Variants in KSR2 observed in about 807,000 individuals in gnomAD.
KSR2 encodes the protein kinase suppressor of ras 2.
Under a neutral mutation model 107.8 loss-of-function variants are expected in KSR2, and 25 were observed. The ratio of observed to expected loss-of-function variants is 0.23; its 90% CI spans 0.17 to 0.32. The LOEUF (loss-of-function observed/expected upper bound fraction) is 0.32. KSR2 is among the 10% of genes least tolerant of loss of function. The probability of loss-of-function intolerance (pLI) is 1.00; values close to 1 mark genes in which losing one functional copy is unlikely to be tolerated. For synonymous variants in KSR2, 480 were observed against 507.0 expected (o/e 0.95, Z 0.71); for missense variants, 887 against 1,268.9 (o/e 0.70, Z 4.57).
chr12:117,688,774 G>A lies in KSR2; in HGVS notation c.987-21116C>T, dbSNP rs1018327031. On this transcript the variant is annotated intron_variant, in intron 4 of 19. Coordinates refer to ENST00000339824, the MANE Select transcript of KSR2 (RefSeq NM_173598.6). ...TGGCCATAGGGATACAACTGCACAC[G>A]CCATGAAGTCACTGCTGCTGTAAGT... is the stretch of plus-strand genomic sequence containing the variant. 6.2e-4 allele frequency among the ~76,000 whole-genome samples: 94 copies of A among 152,112 alleles called. 1 individual carries two copies. Among genetic ancestry groups the A allele is most frequent in the Non-Finnish European group, 1.8e-4 (12 of 68,022 alleles).
At chr12:117,483,335 T>C (rs1413477294) in intron 16 of KSR2, among the ~76,000 whole-genome samples, 1 of 151,784 alleles carries the variant, frequency 6.6e-6, no homozygotes, top group African/African-American at 2.4e-5. Flanking sequence ...ACAAACAAGA[T>C]TCACTTTGTC....
At chr12:117,821,770 A>G (rs370976336) in intron 3 of KSR2, among the ~76,000 whole-genome samples, 6 of 152,250 alleles carry the variant, frequency 3.9e-5, no homozygotes, top group East Asian at 1.9e-4. Context: ...TGGGAGAGAC[A>G]ATAGGGACAT....
intron 3 of KSR2, among the ~76,000 whole-genome samples, chr12:117,849,702 A>G (rs1892845293): frequency 6.6e-6 from 1 of 152,184 alleles, no homozygotes. Context: ...CTGAGAAAGA[A>G]AGAGAGAGAG....
At chr12:117,634,754 G>T (rs1168162083) in intron 5 of KSR2, among the ~76,000 whole-genome samples, 1 of 152,074 alleles carries the variant, frequency 6.6e-6, no homozygotes, top group African/African-American at 2.4e-5. Context: ...AATCAACCAG[G>T]GTTACTTCCG....
intron 1 of KSR2, among the ~76,000 whole-genome samples, chr12:117,901,051 A>G (rs775863262): frequency 2.0e-5 from 3 of 152,172 alleles, no homozygotes; most frequent in Admixed American, 6.5e-5. Context: ...TCAGCTTGAC[A>G]TTGGGGAAGA....
chr12:117,645,673 G>T (rs1163043420), intron 5 of KSR2, among the ~76,000 whole-genome samples: 4 of 152,168 alleles, frequency 2.6e-5, no homozygotes, highest in African/African-American at 9.7e-5. Context: ...CTGTTTGGAA[G>T]GGGCTGTGAT....
chr12:117,574,714 A>G (rs1879157546), intron 7 of KSR2, among the ~76,000 whole-genome samples: 1 of 152,136 alleles, frequency 6.6e-6, no homozygotes, highest in Non-Finnish European at 1.5e-5. Flanking sequence ...ACCATCTTAA[A>G]ATGCAAATTC....
intron 1 of KSR2, among the ~76,000 whole-genome samples, chr12:117,933,840 AAG>A (rs1441591910): frequency 6.6e-6 from 1 of 152,094 alleles, no homozygotes; most frequent in East Asian, 1.9e-4. Flanking sequence ...GACACACAGC[AAG>A]AGGGTGGCAG....
chr12:117,733,253 C>T (rs1313836026), intron 4 of KSR2, among the ~76,000 whole-genome samples: 2 of 152,124 alleles, frequency 1.3e-5, no homozygotes, highest in South Asian at 2.1e-4. Flanking sequence ...CACCCCATGC[C>T]GTACCACACA....
At chr12:117,590,851 G>C (rs920248927) in intron 5 of KSR2, among the ~76,000 whole-genome samples, 9 of 152,150 alleles carry the variant, frequency 5.9e-5, no homozygotes, top group African/African-American at 2.2e-4. Context: ...TCCTGATTTA[G>C]AGCTATGAAA....
chr12:117,855,855 A>G (rs961575514), intron 2 of KSR2, among the ~76,000 whole-genome samples: 8 of 151,950 alleles, frequency 5.3e-5, no homozygotes, highest in Non-Finnish European at 5.9e-5. Context: ...TATAATTACT[A>G]CCCTGTCTGG....
chr12:117,751,510 G>T (rs1888611017), intron 4 of KSR2, among the ~76,000 whole-genome samples: 1 of 152,134 alleles, frequency 6.6e-6, no homozygotes, highest in Non-Finnish European at 1.5e-5. Flanking sequence ...ATTGCCCCTT[G>T]TTGGTAGACT....
chr12:117,767,698 C>G (rs966801729), intron 3 of KSR2, among the ~76,000 whole-genome samples: 1 of 136,926 alleles, frequency 7.3e-6, no homozygotes, highest in Admixed American at 7.6e-5. Flanking sequence ...GGCAGGAGAA[C>G]GGCGTGAACC....
At chr12:117,920,884 A>G (rs1371766023) in intron 1 of KSR2, among the ~76,000 whole-genome samples, 1 of 152,188 alleles carries the variant, frequency 6.6e-6, no homozygotes, top group Non-Finnish European at 1.5e-5. Flanking sequence ...ACAGACGGCT[A>G]ACTCCTGGGT....
At chr12:117,534,409 C>T (rs1875885876) in intron 10 of KSR2, among the ~76,000 whole-genome samples, 1 of 152,142 alleles carries the variant, frequency 6.6e-6, no homozygotes. Context: ...CAAAACTCAG[C>T]CATCCAGTGA....
chr12:117,868,708 T>C (rs971197826), intron 1 of KSR2, among the ~76,000 whole-genome samples: 1 of 151,700 alleles, frequency 6.6e-6, no homozygotes, highest in African/African-American at 2.4e-5. Flanking sequence ...GATAACCTCA[T>C]TTTAATTTAT....
At chr12:117,866,826 T>A (rs895261366) in intron 1 of KSR2, among the ~76,000 whole-genome samples, 1 of 129,870 alleles carries the variant, frequency 7.7e-6, no homozygotes, top group African/African-American at 3.5e-5. Context: ...CAATACTCAG[T>A]CTCAAAAAAA....
At chr12:117,531,418 G>A (rs535341455) in intron 11 of KSR2, among the ~76,000 whole-genome samples, 2 of 151,968 alleles carry the variant, frequency 1.3e-5, no homozygotes, top group South Asian at 2.1e-4. Flanking sequence ...CCTCACCCTC[G>A]CCCAGTGTTC....
Position 117,855,430 on chromosome 12 carries a change from G to A in KSR2, c.470C>T (p.Ser157Leu). 6.2e-7 allele frequency: 1 copy of A among 1,614,070 alleles called. No homozygotes were observed. The part of the protein sequence containing the change: ...SLSCLRNVHM[S>L]GGNLSKQDWT... ...CCCCGACCCCGGGGCCTGCTCACCT[G>A]ACATGTGGACATTCCTGAGGCAGGA... The change falls in exon 3 of 20, where the codon TCA (serine) becomes TTA (leucine). Residue 157 changes from serine to leucine, a missense_variant and splice_region_variant. By Grantham distance (145) the Ser-to-Leu change is moderately radical. Coordinates refer to ENST00000339824, the MANE Select transcript of KSR2 (RefSeq NM_173598.6).
Sources: allele counts gnomAD v4.1 joint callset (sites outside exome capture counted in the v4.1 genomes callset), GRCh38; gene constraint gnomAD v4.1.1; transcripts MANE v1.5; gene names NCBI Gene and HGNC (gene_info 2026-07-23, HGNC 2026-07-21).